The following CST3 variants were observed in gnomAD, a reference collection of about 807,000 sequenced individuals.
The protein encoded by CST3 is cystatin-C.
A neutral mutation model predicts 9.0 loss-of-function variants in CST3; 14 were observed. The observed-to-expected ratio is 1.56, with a 90% CI of 1.03 to 2.44. The LOEUF is 2.44. Among genes scored for constraint, CST3 ranks in the 30% most tolerant of loss-of-function variants. The pLI, the probability that CST3 is intolerant of heterozygous loss-of-function variation, is 0.00. For synonymous variants in CST3, 96 were observed against 90.2 expected (o/e 1.06, Z -0.37); for missense variants, 237 against 204.3 (o/e 1.16, Z -0.98).
downstream of CST3, among the ~76,000 whole-genome samples, chr20:23,630,983 T>C (rs1215078563): frequency 4.6e-5 from 7 of 152,278 alleles, no homozygotes; most frequent in African/African-American, 1.7e-4. Context: ...TGCATGGTAT[T>C]CTAAAATGAA....
exon 4 of CST3, chr20:23,626,723 G>A (rs1260398332): frequency 1.3e-5 from 2 of 152,228 alleles, no homozygotes; most frequent in Non-Finnish European, 2.9e-5. Context: ...TACACTTTAA[G>A]AATTTTATTG....
Position 23,637,857 on chromosome 20 carries a change from G to A in CST3, c.6C>T (p.Ala2=), listed in dbSNP as rs1979763338. ...GGAGCAGCGGGGCGCGCAGGGGCCC[G>A]GCCATGGTCGGCTAGGACGCGGGAC... M[A]GPLRAPLLLL... The change falls in exon 1 of 3, where the codon GCC becomes GCT. Residue 2 remains alanine, a synonymous_variant. Transcript: ENST00000376925. 2.1e-6 allele frequency: 3 copies of A among 1,397,882 alleles called. No individual in the cohort carries two copies. In the East Asian group the frequency reaches 9.0e-5, roughly 42 times the overall value. The allele number at this position is 1,397,882 out of a possible 1,614,324, so 86.6% of individuals were successfully genotyped here.
chr20:23,626,931 A>G (rs1979276381), exon 4 of CST3: 1 of 152,194 alleles, frequency 6.6e-6, no homozygotes, highest in Non-Finnish European at 1.5e-5. Context: ...TGACTGGAAC[A>G]TATGGCTGGA....
At chr20:23,629,219 G>A (rs11696996), downstream of CST3, 5 of 152,284 alleles carry the variant, frequency 3.3e-5, no homozygotes, top group Non-Finnish European at 7.3e-5. Context: ...GAGAGGGGAG[G>A]AGGGGTGAAT....
downstream of CST3, among the ~76,000 whole-genome samples, chr20:23,633,196 T>C (rs553519507): frequency 6.6e-6 from 1 of 152,318 alleles, no homozygotes; most frequent in African/African-American, 2.4e-5. Context: ...GAAGCACGCA[T>C]TGATCACTAT....
chr20:23,637,586 CG>C, intron 1 of CST3, 33 bp downstream of exon 1: 3 of 1,474,140 alleles, frequency 2.0e-6, no homozygotes, highest in Non-Finnish European at 1.8e-6. Context: ...ACGGCGGGGC[CG>C]GGGCTTCGGA....
downstream of CST3, among the ~76,000 whole-genome samples, chr20:23,631,371 G>A (rs890126400): frequency 5.9e-5 from 9 of 152,238 alleles, no homozygotes; most frequent in African/African-American, 2.2e-4. Flanking sequence ...TTCATCTGCT[G>A]TTTACTGTAA....
downstream of CST3, among the ~76,000 whole-genome samples, chr20:23,632,821 C>T (rs1979500256): frequency 6.6e-6 from 1 of 152,186 alleles, no homozygotes; most frequent in African/African-American, 2.4e-5. Flanking sequence ...GGACTGTAGC[C>T]TCCTGCTTGT....
chr20:23,628,005 T>C (rs1220113738), exon 4 of CST3: 1 of 152,224 alleles, frequency 6.6e-6, no homozygotes, highest in South Asian at 2.1e-4. Context: ...GAATACAAGT[T>C]CTATATCAGA....
chr20:23,633,640 C>T, downstream of CST3: 1 of 583,882 alleles, frequency 1.7e-6, no homozygotes, highest in Non-Finnish European at 3.1e-6. Context: ...CCCCAGACAG[C>T]CAAGAACTCA....
chr20:23,635,948 A>C (rs1979656048), intron 1 of CST3, among the ~76,000 whole-genome samples: 1 of 152,144 alleles, frequency 6.6e-6, no homozygotes, highest in South Asian at 2.1e-4. Flanking sequence ...GTGCCGCCCC[A>C]AAACATGACT....
At chr20:23,631,041 A>G (rs1388191009), downstream of CST3, among the ~76,000 whole-genome samples, 3 of 152,190 alleles carry the variant, frequency 2.0e-5, no homozygotes, top group African/African-American at 2.4e-5. Flanking sequence ...AAAAAACATA[A>G]TATTTCTACT....
At chr20:23,635,043 C>T (rs571179044) in intron 2 of CST3, among the ~76,000 whole-genome samples, 14 of 152,196 alleles carry the variant, frequency 9.2e-5, no homozygotes, top group African/African-American at 2.9e-4. Flanking sequence ...AACCCCCACA[C>T]TTCCCCAACA....
In CST3 at chr20:23,633,759, C is replaced by A; in HGVS notation, c.*157G>T. 1.4e-6 allele frequency: 1 copy of A among 722,482 alleles called. No homozygotes were observed. The highest frequency in any genetic ancestry group is 2.5e-6 in the Non-Finnish European group (1 of 397,560). 44.8% of individuals were successfully genotyped at this position (722,482 alleles called of 1,614,324 possible). ...AGGGAGGGCAGAGCCCCTTGCTGAG[C>A]AACAAAGGCCGCCTGCTGCCTTCTC... On this transcript the variant is annotated 3_prime_UTR_variant, in exon 3 of 3. Transcript: ENST00000376925.
chr20:23,633,511 C>T (rs1485958164), downstream of CST3: 2 of 349,728 alleles, frequency 5.7e-6, no homozygotes, highest in Non-Finnish European at 1.1e-5. Flanking sequence ...CCTATAGCAG[C>T]AGCTTGCCTG....
chr20:23,633,726 A>T lies in CST3; in HGVS notation c.*190T>A. The T allele has an allele frequency of 1.5e-6, 1 of 674,412 alleles. No homozygotes were observed. The highest frequency in any genetic ancestry group is 2.7e-6 in the Non-Finnish European group (1 of 369,304). The allele number at this position is 674,412 out of a possible 1,614,324, so 41.8% of individuals were successfully genotyped here. A position where few individuals can be genotyped will look rare whatever the true frequency, so the allele number is the denominator to read the frequency against. On this transcript the variant is annotated 3_prime_UTR_variant, in exon 3 of 3. Transcript: ENST00000376925. ...GCACACCGGGGCTATGAGAAGCAAG[A>T]AGGAAGGAGGGAGGGCAGAGCCCCT...
intron 2 of CST3, 118 bp from the exon 3 acceptor site, chr20:23,634,117 A>T (rs1456890515): frequency 1.2e-6 from 1 of 816,506 alleles, no homozygotes; most frequent in Non-Finnish European, 2.1e-6. Flanking sequence ...CTGGGCCCTT[A>T]TCTACCCCTC....
chr20:23,630,967 G>A (rs575772452), downstream of CST3, among the ~76,000 whole-genome samples: 10 of 152,238 alleles, frequency 6.6e-5, no homozygotes, highest in Admixed American at 5.9e-4. Context: ...GGAAGGTATT[G>A]CAAGATGCAT....
chr20:23,636,783 A>G (rs1047223848), intron 1 of CST3, among the ~76,000 whole-genome samples: 4 of 152,212 alleles, frequency 2.6e-5, no homozygotes, highest in South Asian at 2.1e-4. Context: ...AAAGAGGCCG[A>G]GGGGACAGGA....
Sources: gnomAD v4.1 joint callset for allele counts (sites outside exome capture counted in the v4.1 genomes callset) on GRCh38, gnomAD v4.1.1 for gene constraint, MANE v1.5 for transcripts, NCBI Gene and HGNC (gene_info 2026-07-23, HGNC 2026-07-21) for gene names.